The following ZNF469 variants were observed in gnomAD, a reference collection of about 807,000 sequenced individuals.
ZNF469 encodes the protein zinc finger protein 469.
A neutral mutation model predicts 1.0 loss-of-function variants in ZNF469; 1 was observed. The observed-to-expected ratio is 1.00, with a 90% CI of 0.35 to 4.73. The LOEUF is 4.73. Among genes scored for constraint, ZNF469 ranks in the 30% most tolerant of loss-of-function variants. The probability of loss-of-function intolerance (pLI) is 0.16; values close to 1 mark genes in which losing one functional copy is unlikely to be tolerated. For synonymous variants in ZNF469, 2,703 were observed against 2,363.4 expected (o/e 1.14, Z -4.17); for missense variants, 6,100 against 5,356.3 (o/e 1.14, Z -4.33).
Position 88,435,238 on chromosome 16 carries a change from T to C in ZNF469, c.7768T>C (p.Ser2590Pro). The C allele has an allele frequency of 6.5e-7, 1 of 1,550,256 alleles. No individual in the cohort carries two copies. The highest frequency in any genetic ancestry group is 8.7e-7 in the Non-Finnish European group (1 of 1,146,974). Residue 2590 changes from serine (S) to proline (P), a missense_variant, in exon 3 of 3, where the codon TCC becomes CCC. Coordinates refer to ENST00000565624, the MANE Select transcript of ZNF469 (RefSeq NM_001367624.2). ...EHEVDVKTPA[S>P]KPRPDQARED... is the part of the protein sequence containing the mutation. ...TGAGGTAGATGTGAAGACTCCGGCC[T>C]CCAAGCCCAGACCAGACCAGGCCAG...
At chr16:88,187,257 G>A in the ZNF469 span, among the ~76,000 whole-genome samples, 2 of 152,188 alleles carry the variant, frequency 1.3e-5, no homozygotes, top group Non-Finnish European at 2.9e-5. Flanking sequence ...TCCAAGCTAG[G>A]CCTCCCAGGT....
intron 1 of ZNF469, among the ~76,000 whole-genome samples, chr16:88,386,257 C>A (rs568970032): frequency 6.6e-6 from 1 of 152,274 alleles, no homozygotes; most frequent in South Asian, 2.1e-4. Context: ...GGGCGGTGGC[C>A]ATGCTCGGGT....
At chr16:88,139,240 T>A in the ZNF469 span, among the ~76,000 whole-genome samples, 9 of 152,126 alleles carry the variant, frequency 5.9e-5, no homozygotes, top group Non-Finnish European at 1.2e-4. Flanking sequence ...CTGCGCATGC[T>A]GTGAAAAGTG....
the ZNF469 span, among the ~76,000 whole-genome samples, chr16:88,348,129 G>A: frequency 7.8e-4 from 119 of 152,352 alleles, no homozygotes; most frequent in Non-Finnish European, 9.7e-4. Flanking sequence ...ATCTGTGTGC[G>A]TCCCCTGGGG....
At chr16:88,353,390 G>C in the ZNF469 span, among the ~76,000 whole-genome samples, 1 of 152,100 alleles carries the variant, frequency 6.6e-6, no homozygotes, top group Non-Finnish European at 1.5e-5. Context: ...ATGACAAGAG[G>C]CCTGTGACCC....
At chr16:88,391,698 A>C (rs1456214316) in intron 1 of ZNF469, among the ~76,000 whole-genome samples, 5 of 152,236 alleles carry the variant, frequency 3.3e-5, no homozygotes, top group Non-Finnish European at 5.9e-5. Flanking sequence ...AGCACCCGAC[A>C]CATCTTCAGG....
chr16:88,305,751 CG>C, the ZNF469 span, among the ~76,000 whole-genome samples: 1 of 152,186 alleles, frequency 6.6e-6, no homozygotes, highest in African/African-American at 2.4e-5. Flanking sequence ...CTCATACACA[CG>C]GAAACACACA....
chr16:88,431,995 C>T lies in ZNF469; in HGVS notation c.4525C>T (p.Pro1509Ser), dbSNP rs1906223797. The part of the protein sequence containing the change: ...PSFLLLEEVS[P>S]MLPSHFPDLS... ...TTTTTTGCTGCTTGAGGAAGTATCC[C>T]CGATGCTGCCTAGCCATTTTCCTGA... Residue 1509 changes from proline (P) to serine (S), a missense_variant, in exon 3 of 3, where the codon CCG becomes TCG. Coordinates refer to ENST00000565624, the MANE Select transcript of ZNF469 (RefSeq NM_001367624.2). 1 of 1,549,814 alleles carries T rather than the reference C, an allele frequency of 6.5e-7. No individual in the cohort carries two copies. Among genetic ancestry groups the T allele is most frequent in the Non-Finnish European group, 8.7e-7 (1 of 1,146,962 alleles).
At chr16:88,142,734 C>G in the ZNF469 span, among the ~76,000 whole-genome samples, 1 of 152,340 alleles carries the variant, frequency 6.6e-6, no homozygotes, top group South Asian at 2.1e-4. Context: ...TCAGCTCACC[C>G]TGCGGGGAGT....
the ZNF469 span, among the ~76,000 whole-genome samples, chr16:88,122,006 G>A: frequency 6.9e-6 from 1 of 144,346 alleles, no homozygotes; most frequent in Non-Finnish European, 1.5e-5. Context: ...CTACGGCCAC[G>A]GCGGCCACTC....
At chr16:88,390,923 C>G (rs1382892403) in intron 1 of ZNF469, among the ~76,000 whole-genome samples, 1 of 152,236 alleles carries the variant, frequency 6.6e-6, no homozygotes, top group Non-Finnish European at 1.5e-5. Context: ...AGAACTGAAA[C>G]CTCTGGCAGC....
intron 1 of ZNF469, among the ~76,000 whole-genome samples, chr16:88,411,557 G>A (rs931913781): frequency 9.8e-5 from 14 of 142,418 alleles, no homozygotes; most frequent in African/African-American, 3.5e-4. Context: ...TGGCTCTCCC[G>A]CATGGCTGCA....
At chr16:88,297,736 T>A in the ZNF469 span, among the ~76,000 whole-genome samples, 4 of 152,180 alleles carry the variant, frequency 2.6e-5, no homozygotes, top group Non-Finnish European at 5.9e-5. Context: ...TGTGATTGCA[T>A]TCAGGGCCCA....
intron 1 of ZNF469, among the ~76,000 whole-genome samples, chr16:88,422,772 ATGGATG>A (rs1905524897): frequency 2.0e-5 from 1 of 49,156 alleles, no homozygotes; most frequent in African/African-American, 5.4e-5. Flanking sequence ...GGATGGATGG[ATGGATG>A]GTTGGATGGA....
At chr16:88,336,062 CAT>C in the ZNF469 span, among the ~76,000 whole-genome samples, 3 of 149,606 alleles carry the variant, frequency 2.0e-5, no homozygotes, top group Admixed American at 6.6e-5. Context: ...TCATCCTTCA[CAT>C]GAGACACTAA....
At chr16:88,226,958 C>T in the ZNF469 span, among the ~76,000 whole-genome samples, 1 of 152,078 alleles carries the variant, frequency 6.6e-6, no homozygotes, top group African/African-American at 2.4e-5. Context: ...CTGCGCGTTT[C>T]CACCCGTGCC....
At chr16:88,138,890 G>A in the ZNF469 span, among the ~76,000 whole-genome samples, 1 of 152,224 alleles carries the variant, frequency 6.6e-6, no homozygotes, top group African/African-American at 2.4e-5. Context: ...AAAGAAATAA[G>A]CAGCGTAAGC....
chr16:88,240,886 CA>C, the ZNF469 span, among the ~76,000 whole-genome samples: 1 of 152,284 alleles, frequency 6.6e-6, no homozygotes, highest in East Asian at 1.9e-4. Flanking sequence ...CCTGCACCGC[CA>C]GCCCTCTCTC....
At chr16:88,166,378 C>G in the ZNF469 span, among the ~76,000 whole-genome samples, 1 of 152,070 alleles carries the variant, frequency 6.6e-6, no homozygotes, top group Non-Finnish European at 1.5e-5. The surrounding 1 kb of genome is among the most constrained non-coding windows in gnomAD (Gnocchi z 4.5). Flanking sequence ...GGTTTTAGCT[C>G]AATTTCATTA....
Sources: allele counts gnomAD v4.1 joint callset (sites outside exome capture counted in the v4.1 genomes callset), GRCh38; gene constraint gnomAD v4.1.1; non-coding constraint Gnocchi (gnomAD v3.1); transcripts MANE v1.5; gene names NCBI Gene and HGNC (gene_info 2026-07-23, HGNC 2026-07-21).